Variants in ANO6 observed in about 807,000 individuals in gnomAD.
ANO6 encodes the protein anoctamin-6.
ANO6 carries 106 observed loss-of-function variants against 117.5 expected under a neutral mutation model. That is an observed-to-expected ratio of 0.90 (90% CI 0.77 to 1.06). The LOEUF is 1.06. Ranked by LOEUF, ANO6 falls within the 50% of genes least tolerant of loss-of-function variation. The pLI is 0.00. For synonymous variants in ANO6, 367 were observed against 385.1 expected, an observed-to-expected ratio of 0.95 and a Z score of 0.55; for missense variants, 955 against 1,121.1, an observed-to-expected ratio of 0.85 and a Z score of 2.12.
chr12:45,343,134 T>C (rs1327097718), intron 3 of ANO6, among the ~76,000 whole-genome samples: 2 of 152,116 alleles, frequency 1.3e-5, no homozygotes, highest in Non-Finnish European at 2.9e-5. Flanking sequence ...CCCTAGTGGA[T>C]AGCTAGGGGC....
At position 45,331,309 on chromosome 12, in the gene ANO6, A is replaced by T; in HGVS notation, c.165A>T (p.Gly55=). The T allele has an allele frequency of 1.2e-6, 2 of 1,609,246 alleles. No individual in the cohort carries two copies. The highest frequency in any genetic ancestry group is 1.7e-6 in the Non-Finnish European group (2 of 1,177,530). ...FRTPEFEEFN[G]KPDSLFFNDG... ...GTTTTACACAGGAAGAATTTAATGG[A>T]AAACCTGACTCCCTCTTTTTTAATG... Residue 55 remains glycine (G), a synonymous_variant, in exon 3 of 20, where the codon GGA becomes GGT. Transcript: ENST00000320560.
Position 45,348,048 on chromosome 12 carries a change from A to T in ANO6, c.366A>T (p.Val122=). ...ATRSVLDDKL[V]FVKVHAPWEV... ...TATAGGTATTGGATGACAAGCTTGT[A>T]TTTGTAAAAGTACACGCACCATGGG... Residue 122 remains valine, a synonymous_variant, in exon 5 of 20, where the codon GTA becomes GTT. Transcript: ENST00000320560. 6.2e-7 allele frequency: 1 copy of T among 1,613,964 alleles called. No homozygotes were observed. Among genetic ancestry groups the T allele is most frequent in the Non-Finnish European group, 8.5e-7 (1 of 1,179,924 alleles).
At chr12:45,383,508 A>G (rs1942219867) in intron 10 of ANO6, among the ~76,000 whole-genome samples, 1 of 152,164 alleles carries the variant, frequency 6.6e-6, no homozygotes, top group South Asian at 2.1e-4. Context: ...ATTACTATCT[A>G]TGGCAGCTGT....
chr12:45,266,957 A>G (rs1938238865), intron 1 of ANO6, among the ~76,000 whole-genome samples: 1 of 151,674 alleles, frequency 6.6e-6, no homozygotes, highest in African/African-American at 2.4e-5. Flanking sequence ...TTAGTCAGTA[A>G]CTCCTGTTTC....
intron 15 of ANO6, among the ~76,000 whole-genome samples, chr12:45,405,759 A>T (rs1297934857): frequency 6.6e-6 from 1 of 152,108 alleles, no homozygotes; most frequent in Non-Finnish European, 1.5e-5. Flanking sequence ...AAAATACAAA[A>T]TTAGCCAGAC....
chr12:45,270,449 C>G, intron 1 of ANO6: 1 of 1,523,698 alleles, frequency 6.6e-7, no homozygotes, highest in Non-Finnish European at 8.8e-7. Context: ...ATTGATGCCT[C>G]CTCATCCTTC....
chr12:45,254,274 G>A (rs928043689), intron 1 of ANO6, among the ~76,000 whole-genome samples: 4 of 152,196 alleles, frequency 2.6e-5, no homozygotes, highest in Non-Finnish European at 5.9e-5. Context: ...GCCAGGGGAA[G>A]CTTACTCCAG....
chr12:45,320,595 G>A (rs975983061), intron 2 of ANO6, among the ~76,000 whole-genome samples: 1 of 152,182 alleles, frequency 6.6e-6, no homozygotes, highest in Admixed American at 6.5e-5. Flanking sequence ...TGTATATTCT[G>A]TTGATTTGGG....
chr12:45,230,120 C>A (rs920891390), intron 1 of ANO6, among the ~76,000 whole-genome samples: 7 of 152,180 alleles, frequency 4.6e-5, no homozygotes, highest in African/African-American at 1.7e-4. Context: ...CTGTTCCTTC[C>A]ACTTATACAG....
chr12:45,347,951 C>T (rs1177534253), intron 4 of ANO6, 77 bp from the exon 5 acceptor site: 7 of 1,431,354 alleles, frequency 4.9e-6, no homozygotes, highest in African/African-American at 2.8e-5. Context: ...CTACCAACAA[C>T]ATAAGAAAAA....
chr12:45,420,214 TATTTAA>T (rs1385876070), intron 17 of ANO6, among the ~76,000 whole-genome samples: 3 of 152,138 alleles, frequency 2.0e-5, no homozygotes, highest in Non-Finnish European at 4.4e-5. Flanking sequence ...TAGAGGTCAT[TATTTAA>T]ATTTAGATCA....
chr12:45,322,865 C>T (rs1940327942), intron 2 of ANO6, among the ~76,000 whole-genome samples: 2 of 152,102 alleles, frequency 1.3e-5, no homozygotes, highest in Non-Finnish European at 2.9e-5. Context: ...TATATGGTCC[C>T]ACATATGACT....
intron 1 of ANO6, among the ~76,000 whole-genome samples, chr12:45,243,869 G>A (rs11182938): frequency 0.18 from 27,108 of 152,066 alleles, 3,884 homozygotes; most frequent in African/African-American, 0.38. Flanking sequence ...TTTTAGTGTA[G>A]TTAATTACTG....
At chr12:45,342,448 G>A (rs575302255) in intron 3 of ANO6, among the ~76,000 whole-genome samples, 10 of 152,272 alleles carry the variant, frequency 6.6e-5, no homozygotes, top group South Asian at 4.1e-4. Flanking sequence ...ATTCTGAAGC[G>A]TCCAGGAATC....
At chr12:45,264,894 G>A (rs192538221) in intron 1 of ANO6, among the ~76,000 whole-genome samples, 6 of 152,198 alleles carry the variant, frequency 3.9e-5, no homozygotes, top group African/African-American at 1.4e-4. Context: ...GTCTGAGGCT[G>A]TGAGCTCCAA....
At chr12:45,333,756 T>C (rs1350434099) in intron 3 of ANO6, among the ~76,000 whole-genome samples, 1 of 152,102 alleles carries the variant, frequency 6.6e-6, no homozygotes, top group East Asian at 1.9e-4. Flanking sequence ...TTTGGAATCA[T>C]GTTTTTCTTC....
chr12:45,347,010 T>G lies in ANO6; in HGVS notation c.280-12T>G. On this transcript the variant is annotated splice_polypyrimidine_tract_variant and intron_variant, in intron 3 of 19. Coordinates refer to ENST00000320560, the MANE Select transcript of ANO6 (RefSeq NM_001025356.3). ...CTAAAGGTCTAACATATATTCCAACTTCTTTTGACAGAGGAAAAGACAAGC... is the reference window on the plus strand; with the variant it reads ...CTAAAGGTCTAACATATATTCCAACGTCTTTTGACAGAGGAAAAGACAAGC... The G allele has an allele frequency of 6.2e-7, 1 of 1,613,826 alleles. No individual in the cohort carries two copies. Among genetic ancestry groups the G allele is most frequent in the Non-Finnish European group, 8.5e-7 (1 of 1,179,772 alleles).
chr12:45,430,227 C>A lies in ANO6; in HGVS notation c.*916C>A, dbSNP rs896136519. On this transcript the variant is annotated 3_prime_UTR_variant, in exon 20 of 20. Transcript: ENST00000320560. Reference sequence around the variant, plus strand: ...ATAATTGTCTGGAAAAGATAAGCCCCTCAATTTTCTACCAGTTGACTTTTA... The same window carrying A: ...ATAATTGTCTGGAAAAGATAAGCCCATCAATTTTCTACCAGTTGACTTTTA... 2 of 985,284 alleles carry A rather than the reference C, an allele frequency of 2.0e-6. No individual in the cohort carries two copies. Among genetic ancestry groups the A allele is most frequent in the African/African-American group, 1.7e-5 (1 of 57,220 alleles). 61.0% of individuals were successfully genotyped at this position (985,284 alleles called of 1,614,324 possible). A position where few individuals can be genotyped will look rare whatever the true frequency, so the allele number is the denominator to read the frequency against.
chr12:45,340,431 ATG>A (rs1940948646), intron 3 of ANO6, among the ~76,000 whole-genome samples: 1 of 152,126 alleles, frequency 6.6e-6, no homozygotes, highest in South Asian at 2.1e-4. Context: ...AAAAAATAAA[ATG>A]TGGTTGCACT....
Sources: gnomAD v4.1 joint callset for allele counts (sites outside exome capture counted in the v4.1 genomes callset) on GRCh38, gnomAD v4.1.1 for gene constraint, MANE v1.5 for transcripts, NCBI Gene and HGNC (gene_info 2026-07-23, HGNC 2026-07-21) for gene names.